The following PCDH11X variants were observed in gnomAD, a reference collection of about 807,000 sequenced individuals.
The protein encoded by PCDH11X is protocadherin 11 X-linked.
In PCDH11X, 18 loss-of-function variants were observed where a neutral mutation model predicts 53.3. The observed-to-expected ratio is 0.34, with a 90% CI of 0.23 to 0.50. The LOEUF is 0.50. PCDH11X is among the 20% of genes least tolerant of loss of function. The probability of loss-of-function intolerance (pLI) is 0.98; values close to 1 mark genes in which losing one functional copy is unlikely to be tolerated. For missense variants in PCDH11X, 570 were observed against 1,032.4 expected (o/e 0.55, Z 6.14); for synonymous variants, 279 against 393.3 (o/e 0.71, Z 3.44).
chrX:92,260,313 T>A (rs909801367), intron 7 of PCDH11X, among the ~76,000 whole-genome samples: 1 of 111,197 alleles, frequency 9.0e-6, no homozygotes, highest in Non-Finnish European at 1.9e-5. Context: ...CTGGTTTAAA[T>A]GCTCCCTCTG....
At chrX:91,830,646 G>T (rs1937073274) in intron 4 of PCDH11X, among the ~76,000 whole-genome samples, 1 of 110,889 alleles carries the variant, frequency 9.0e-6, no homozygotes, top group African/African-American at 3.3e-5. Context: ...AAGAAGCTTT[G>T]CTTGTATTTG....
At chrX:91,807,621 T>C (rs1376277324) in intron 1 of PCDH11X, among the ~76,000 whole-genome samples, 1 of 111,463 alleles carries the variant, frequency 9.0e-6, no homozygotes, top group African/African-American at 3.3e-5. Flanking sequence ...TAGCAAACTG[T>C]GTATTCATAG....
At chrX:92,610,908 T>C in intron 10 of PCDH11X, among the ~76,000 whole-genome samples, 1 of 111,565 alleles carries the variant, frequency 9.0e-6, no homozygotes, top group Admixed American at 9.5e-5. Context: ...TGGCTGTAGG[T>C]GTGCAACTTT....
At chrX:92,419,039 A>G (rs1460669554) in intron 9 of PCDH11X, among the ~76,000 whole-genome samples, 2 of 94,850 alleles carry the variant, frequency 2.1e-5, no homozygotes, top group Admixed American at 2.4e-4. Flanking sequence ...TTTTTTTTTC[A>G]TGTATTTCAA....
intron 8 of PCDH11X, among the ~76,000 whole-genome samples, chrX:92,379,439 G>A (rs2070823350): frequency 8.8e-6 from 1 of 113,039 alleles, no homozygotes; most frequent in South Asian, 3.6e-4. Flanking sequence ...GAAGCAGAGG[G>A]GGTGCTGAGG....
In PCDH11X at chrX:92,387,879, C is replaced by T. The variant is rs745692781; in HGVS notation, c.3289C>T (p.Arg1097Cys). 3.3e-6 allele frequency: 4 copies of T among 1,208,797 alleles called. No homozygotes were observed. The highest frequency in any genetic ancestry group is 4.5e-6 in the Non-Finnish European group (4 of 894,938). The change falls in exon 9 of 11, where the codon CGT becomes TGT. Residue 1097 changes from arginine to cysteine, a missense_variant. Around this residue, in one of 6 missense-constraint regions of PCDH11X, gnomAD observed 234 missense variants for 296.1 expected, o/e 0.79. Coordinates refer to ENST00000682573, the MANE Select transcript of PCDH11X (RefSeq NM_032968.5). Reference protein sequence around the residue: ...LGYPQEEYFDRATPSNRTEGD... With the variant: ...LGYPQEEYFDCATPSNRTEGD... ...CTATCCTCAGGAGGAGTACTTTGATCGTGCTACACCCAGCAATCGCACTGA... is the reference window on the plus strand; with the variant it reads ...CTATCCTCAGGAGGAGTACTTTGATTGTGCTACACCCAGCAATCGCACTGA...
At chrX:91,859,219 G>T (rs1224923023) in intron 5 of PCDH11X, among the ~76,000 whole-genome samples, 1 of 111,763 alleles carries the variant, frequency 8.9e-6, no homozygotes, top group African/African-American at 3.3e-5. Context: ...CTAGTGATCA[G>T]TGATGTTGAG....
intron 9 of PCDH11X, among the ~76,000 whole-genome samples, chrX:92,399,949 C>T (rs1160597885): frequency 2.9e-5 from 3 of 102,837 alleles, no homozygotes; most frequent in African/African-American, 7.2e-5. Flanking sequence ...GATAGTGTTT[C>T]ACCGTGTTAG....
intron 6 of PCDH11X, among the ~76,000 whole-genome samples, chrX:91,968,889 T>A (rs1346287011): frequency 3.6e-5 from 4 of 112,061 alleles, no homozygotes; most frequent in African/African-American, 1.3e-4. Context: ...TATTAAATGT[T>A]AATGTTGGTA....
intron 8 of PCDH11X, among the ~76,000 whole-genome samples, chrX:92,357,493 G>T (rs1018614565): frequency 3.7e-5 from 4 of 108,102 alleles, no homozygotes; most frequent in Non-Finnish European, 7.7e-5. Flanking sequence ...AGGTGATTAG[G>T]TCATAGGAGT....
At chrX:92,335,682 G>A (rs1379718992) in intron 8 of PCDH11X, among the ~76,000 whole-genome samples, 1 of 111,244 alleles carries the variant, frequency 9.0e-6, no homozygotes. Context: ...CTTACAATGA[G>A]TAACAAAAAG....
At chrX:92,607,657 A>T (rs2148814012) in intron 10 of PCDH11X, among the ~76,000 whole-genome samples, 1 of 111,987 alleles carries the variant, frequency 8.9e-6, no homozygotes, top group South Asian at 3.7e-4. Flanking sequence ...ATTATAAATT[A>T]TATCATTTTC....
At chrX:92,589,933 T>C (rs1924844748) in intron 10 of PCDH11X, among the ~76,000 whole-genome samples, 1 of 111,803 alleles carries the variant, frequency 8.9e-6, no homozygotes, top group African/African-American at 3.3e-5. Context: ...TTTTCAGCCA[T>C]TAATCTGAAG....
intron 6 of PCDH11X, among the ~76,000 whole-genome samples, chrX:92,051,869 C>G (rs778805155): frequency 1.8e-4 from 20 of 109,550 alleles, no homozygotes; most frequent in African/African-American, 6.6e-4. Context: ...GACAGTATGA[C>G]ACTTAAATTA....
intron 6 of PCDH11X, among the ~76,000 whole-genome samples, chrX:92,134,982 A>C (rs747211900): frequency 7.2e-5 from 8 of 111,089 alleles, no homozygotes; most frequent in African/African-American, 2.6e-4. Flanking sequence ...AGTAGGACTC[A>C]GTCTCATTTT....
intron 6 of PCDH11X, among the ~76,000 whole-genome samples, chrX:92,146,479 C>T (rs111513290): frequency 0.04 from 4,413 of 111,406 alleles, 197 homozygotes; most frequent in African/African-American, 0.13. Flanking sequence ...TCTATAAGCA[C>T]ATCTTTCCGT....
At chrX:91,810,420 A>G (rs1936259246) in intron 2 of PCDH11X, 53 bp from the exon 3 acceptor site, 1 of 111,827 alleles carries the variant, frequency 8.9e-6, no homozygotes, top group Non-Finnish European at 1.9e-5. Context: ...TACTTGTTTA[A>G]TTTAGATTTG....
chrX:92,203,923 T>A (rs1375592467), intron 7 of PCDH11X, among the ~76,000 whole-genome samples: 1 of 112,258 alleles, frequency 8.9e-6, no homozygotes, highest in Non-Finnish European at 1.9e-5. Context: ...ACAATAGAGA[T>A]GTTATCACCT....
chrX:92,260,892 A>G (rs2067701776), intron 7 of PCDH11X, among the ~76,000 whole-genome samples: 1 of 111,864 alleles, frequency 8.9e-6, no homozygotes, highest in Non-Finnish European at 1.9e-5. Flanking sequence ...CTGAGCCAAT[A>G]GACATTCAGA....
Sources: gnomAD v4.1 joint callset for allele counts (sites outside exome capture counted in the v4.1 genomes callset) on GRCh38, gnomAD v4.1.1 for gene constraint, gnomAD v4.1.1 regional missense constraint, MANE v1.5 for transcripts, NCBI Gene and HGNC (gene_info 2026-07-23, HGNC 2026-07-21) for gene names.